Variants in CYP7B1 observed in about 807,000 individuals in gnomAD.
The protein encoded by CYP7B1 is cytochrome P450 7B1.
A neutral mutation model predicts 42.7 loss-of-function variants in CYP7B1; 29 were observed. The ratio of observed to expected loss-of-function variants is 0.68; its 90% CI spans 0.51 to 0.93. The LOEUF (loss-of-function observed/expected upper bound fraction) is 0.93. Ranked by LOEUF, CYP7B1 falls within the 40% of genes least tolerant of loss-of-function variation. The pLI is 0.00. For missense variants in CYP7B1, 655 were observed against 600.5 expected, an observed-to-expected ratio of 1.09 and a Z score of -0.95; for synonymous variants, 235 against 218.2, an observed-to-expected ratio of 1.08 and a Z score of -0.68.
chr8:64,720,976 G>C (rs935166349), intron 1 of CYP7B1, among the ~76,000 whole-genome samples: 1 of 151,256 alleles, frequency 6.6e-6, no homozygotes, highest in African/African-American at 2.4e-5. Context: ...ATATAAATAA[G>C]ATATTTTTAA....
In CYP7B1 at chr8:64,596,240, T is replaced by A. The variant is rs189470710; in HGVS notation, c.*402A>T. On this transcript the variant is annotated 3_prime_UTR_variant, in exon 6 of 6. Coordinates refer to ENST00000310193, the MANE Select transcript of CYP7B1 (RefSeq NM_004820.5). ...TGAGAATTTGGAATTTGTTAGACTGTGTCCATTTCCAGCACAATTTTCTAG... is the reference window on the plus strand; with the variant it reads ...TGAGAATTTGGAATTTGTTAGACTGAGTCCATTTCCAGCACAATTTTCTAG... The A allele has an allele frequency of 4.7e-4, 81 of 173,886 alleles. 3 individuals carry two copies. In the East Asian group the frequency reaches 8.7e-3, roughly 19 times the overall value. 10.8% of individuals were successfully genotyped at this position (173,886 alleles called of 1,614,324 possible).
At position 64,593,465 on chromosome 8, in the gene CYP7B1, A is replaced by G. The variant is rs1805069791; in HGVS notation, c.*3177T>C. Among the ~76,000 whole-genome samples the G allele has an allele frequency of 6.6e-6, 1 of 152,150 alleles. No individual in the cohort carries two copies. Among genetic ancestry groups the G allele is most frequent in the South Asian group, 2.1e-4 (1 of 4,828 alleles). ...CCAAATGTGTCCCCTGTCTATTCCT[A>G]ATAAAATGGTTGCATTCTACCTGAT... On this transcript the variant is annotated 3_prime_UTR_variant, in exon 6 of 6. Transcript: ENST00000310193.
At chr8:64,755,355 C>T (rs1410589761) in intron 1 of CYP7B1, among the ~76,000 whole-genome samples, 2 of 152,190 alleles carry the variant, frequency 1.3e-5, no homozygotes, top group Admixed American at 6.5e-5. Flanking sequence ...GCACTGTTAT[C>T]CCATCCATTG....
At chr8:64,676,292 G>A (rs968971253) in intron 1 of CYP7B1, among the ~76,000 whole-genome samples, 10 of 152,076 alleles carry the variant, frequency 6.6e-5, no homozygotes, top group African/African-American at 2.2e-4. Context: ...CATGTGTAAA[G>A]TGCTTCCTGA....
chr8:64,713,436 C>A (rs1350757430), intron 1 of CYP7B1, among the ~76,000 whole-genome samples: 1 of 151,492 alleles, frequency 6.6e-6, no homozygotes, highest in African/African-American at 2.4e-5. Context: ...AATTTGCAGA[C>A]AGGGAAGTTA....
chr8:64,642,964 G>T (rs1241247398), intron 1 of CYP7B1, among the ~76,000 whole-genome samples: 2 of 151,548 alleles, frequency 1.3e-5, no homozygotes, highest in Admixed American at 1.3e-4. Flanking sequence ...CTGAAAATCT[G>T]CCACCTTAAT....
At chr8:64,627,742 T>C (rs774323867) in intron 1 of CYP7B1, among the ~76,000 whole-genome samples, 1 of 152,196 alleles carries the variant, frequency 6.6e-6, no homozygotes, top group Non-Finnish European at 1.5e-5. Context: ...GCTGTGTTTA[T>C]TTTGGCAGCA....
At chr8:64,796,832 TA>T (rs899581152) in intron 1 of CYP7B1, among the ~76,000 whole-genome samples, 3 of 152,230 alleles carry the variant, frequency 2.0e-5, no homozygotes, top group Non-Finnish European at 4.4e-5. Flanking sequence ...GCATAAGCTT[TA>T]AAAAATCTGT....
intron 4 of CYP7B1, among the ~76,000 whole-genome samples, chr8:64,605,926 A>T (rs374638916): frequency 1.2e-4 from 18 of 152,200 alleles, no homozygotes; most frequent in East Asian, 1.2e-3. Context: ...CAATTATTAG[A>T]TTATTAAAGG....
intron 1 of CYP7B1, among the ~76,000 whole-genome samples, chr8:64,703,159 A>G (rs529712703): frequency 4.6e-5 from 7 of 152,128 alleles, no homozygotes; most frequent in African/African-American, 1.7e-4. Flanking sequence ...TTTGTCTCAC[A>G]TTTCTTTCAA....
At chr8:64,606,292 G>GATTTCAA (rs1805279876) in intron 4 of CYP7B1, among the ~76,000 whole-genome samples, 1 of 152,244 alleles carries the variant, frequency 6.6e-6, no homozygotes, top group African/African-American at 2.4e-5. Flanking sequence ...TGACACGATG[G>GATTTCAA]ATTTCAGCTG....
chr8:64,772,860 C>G (rs550749170), intron 1 of CYP7B1, among the ~76,000 whole-genome samples: 1 of 152,322 alleles, frequency 6.6e-6, no homozygotes, highest in Admixed American at 6.5e-5. Flanking sequence ...TCAGGGACAT[C>G]AAGCAACCCA....
At chr8:64,740,353 A>C (rs1057492053) in intron 1 of CYP7B1, among the ~76,000 whole-genome samples, 4 of 152,010 alleles carry the variant, frequency 2.6e-5, no homozygotes, top group Admixed American at 6.6e-5. Flanking sequence ...TCAATAATAT[A>C]TATATTTACA....
intron 1 of CYP7B1, among the ~76,000 whole-genome samples, chr8:64,655,669 C>A (rs1806110359): frequency 6.6e-6 from 1 of 151,988 alleles, no homozygotes; most frequent in Non-Finnish European, 1.5e-5. Flanking sequence ...GTGTATATAC[C>A]CAGAGGAATA....
At chr8:64,648,345 C>T (rs1044672098) in intron 1 of CYP7B1, among the ~76,000 whole-genome samples, 15 of 152,232 alleles carry the variant, frequency 9.9e-5, no homozygotes, top group African/African-American at 2.7e-4. Context: ...ATCTGGTCCT[C>T]ATATACCCTT....
rs377175165 is a variant in CYP7B1, at chr8:64,596,721, C to A, written c.1442G>T (p.Gly481Val). The change falls in exon 6 of 6, where the codon GGA becomes GTA. Residue 481 changes from glycine to valine, a missense_variant. Coordinates refer to ENST00000310193, the MANE Select transcript of CYP7B1 (RefSeq NM_004820.5). ...DLEIIDDKPI[G>V]LNYSRLLFGI... ...AAACAACAAGCGGCTGTAGTTTAGT[C>A]CTATGGGCTTATCATCAATTATTTC... 17 of 1,613,654 alleles carry A rather than the reference C, an allele frequency of 1.1e-5. No homozygotes were observed. The highest frequency in any genetic ancestry group is 1.4e-5 in the Non-Finnish European group (16 of 1,179,836).
intron 1 of CYP7B1, among the ~76,000 whole-genome samples, chr8:64,748,405 A>G (rs1025341917): frequency 1.3e-5 from 2 of 152,138 alleles, no homozygotes; most frequent in African/African-American, 2.4e-5. Flanking sequence ...TACAACTGTA[A>G]TTCAAATCCA....
At chr8:64,702,884 G>C (rs867281480) in intron 1 of CYP7B1, among the ~76,000 whole-genome samples, 11 of 152,176 alleles carry the variant, frequency 7.2e-5, no homozygotes, top group Non-Finnish European at 1.3e-4. Flanking sequence ...TTCTAGCCAT[G>C]ATAATTTCAT....
At chr8:64,601,535 A>G (rs1036223757) in intron 5 of CYP7B1, among the ~76,000 whole-genome samples, 2 of 152,152 alleles carry the variant, frequency 1.3e-5, no homozygotes, top group African/African-American at 4.8e-5. Flanking sequence ...AGAAATCATC[A>G]CTATTTACTA....
Sources: allele counts gnomAD v4.1 joint callset (sites outside exome capture counted in the v4.1 genomes callset), GRCh38; gene constraint gnomAD v4.1.1; transcripts MANE v1.5; gene names NCBI Gene and HGNC (gene_info 2026-07-23, HGNC 2026-07-21).